TAF4: variants seen among roughly 807,000 people sequenced by gnomAD.
TAF4 encodes the protein transcription initiation factor TFIID subunit 4.
TAF4 carries 9 observed loss-of-function variants against 90.3 expected under a neutral mutation model. The observed-to-expected ratio is 0.10, with a 90% CI of 0.06 to 0.17. The LOEUF (loss-of-function observed/expected upper bound fraction) is 0.17. Ranked by LOEUF, TAF4 falls within the 10% of genes least tolerant of loss-of-function variation. The probability of loss-of-function intolerance (pLI) is 1.00; values close to 1 mark genes in which losing one functional copy is unlikely to be tolerated. For synonymous variants in TAF4, 818 were observed against 638.9 expected, an observed-to-expected ratio of 1.28 and a Z score of -4.23; for missense variants, 1,351 against 1,370.7, an observed-to-expected ratio of 0.99 and a Z score of 0.23.
chr20:62,023,747 C>CAAAAAAAAA (rs59813943), intron 1 of TAF4, among the ~76,000 whole-genome samples: 7 of 59,560 alleles, frequency 1.2e-4, no homozygotes, highest in African/African-American at 3.5e-4. Flanking sequence ...GACTCCATCT[C>CAAAAAAAAA]AAAAAAAAAA....
intron 1 of TAF4, among the ~76,000 whole-genome samples, chr20:62,051,869 G>A (rs1377166355): frequency 2.0e-5 from 3 of 152,128 alleles, no homozygotes; most frequent in Admixed American, 2.0e-4. Context: ...AGATCCACCC[G>A]TGAGGAACCT....
chr20:62,064,293 C>A, intron 1 of TAF4, 158 bp downstream of exon 1: 2 of 837,102 alleles, frequency 2.4e-6, no homozygotes, highest in Non-Finnish European at 3.2e-6. Flanking sequence ...GCCACCCGGG[C>A]TGGCCCCGCA....
chr20:61,992,988 C>A (rs1217332171), intron 14 of TAF4, among the ~76,000 whole-genome samples: 1 of 152,176 alleles, frequency 6.6e-6, no homozygotes, highest in East Asian at 1.9e-4. Context: ...CTACTGGTCA[C>A]CCTCTGAGGG....
Position 61,986,001 on chromosome 20 carries a change from A to G in TAF4, c.3091-9666T>C, listed in dbSNP as rs113938994. Among the ~76,000 whole-genome samples the G allele has an allele frequency of 5.3e-4, 63 of 119,470 alleles. 1 individual carries two copies. Among genetic ancestry groups the G allele is most frequent in the East Asian group, 1.9e-3 (8 of 4,178 alleles). 78.4% of individuals were successfully genotyped at this position (119,470 alleles called of 152,430 possible). A position where few individuals can be genotyped will look rare whatever the true frequency, so the allele number is the denominator to read the frequency against. ...CCCAATCAAAGGAAATACCATCCCC[A>G]ACCAAAGGAAACACCATCCCCCATC... On this transcript the variant is annotated intron_variant, in intron 14 of 14. Coordinates refer to ENST00000252996, the MANE Select transcript of TAF4 (RefSeq NM_003185.4).
At chr20:62,018,550 T>G (rs2055825451) in intron 1 of TAF4, among the ~76,000 whole-genome samples, 1 of 152,180 alleles carries the variant, frequency 6.6e-6, no homozygotes, top group Non-Finnish European at 1.5e-5. Context: ...AGGGTACACG[T>G]GGCAGGTGTG....
rs562619289 is a variant in TAF4, at chr20:61,974,949, T to C, written c.*1219A>G. On this transcript the variant is annotated 3_prime_UTR_variant, in exon 15 of 15. Transcript: ENST00000252996. The surrounding 1 kb of genome is among the most constrained non-coding windows in gnomAD (Gnocchi z 4.1). ...ACATGAAAAAATGGAAAGACAGGGA[T>C]TTCCTAAAAGACAAAATAAAAGGTG... The C allele has an allele frequency of 1.3e-5, 2 of 152,462 alleles. No homozygotes were observed. Among genetic ancestry groups the C allele is most frequent in the East Asian group, 1.9e-4 (1 of 5,184 alleles). 9.4% of individuals were successfully genotyped at this position (152,462 alleles called of 1,614,324 possible).
chr20:62,021,813 A>AC (rs2055845167), intron 1 of TAF4, among the ~76,000 whole-genome samples: 2 of 152,024 alleles, frequency 1.3e-5, no homozygotes, highest in African/African-American at 4.8e-5. Context: ...ACAGAGTCTC[A>AC]CTTAAAGTTT....
At chr20:62,016,205 G>A (rs2062266025) in intron 1 of TAF4, among the ~76,000 whole-genome samples, 1 of 152,216 alleles carries the variant, frequency 6.6e-6, no homozygotes, top group Admixed American at 6.5e-5. Context: ...CTCGGCGCCT[G>A]GGGACCCCAA....
At chr20:62,000,302 TTC>T (rs1481605620) in intron 10 of TAF4, 48 bp from the exon 11 acceptor site, 2 of 1,596,186 alleles carry the variant, frequency 1.3e-6, no homozygotes, top group South Asian at 2.3e-5. Context: ...TTAAGCACAG[TTC>T]TTTCTTTACG....
At chr20:62,047,827 G>A (rs539600566) in intron 1 of TAF4, among the ~76,000 whole-genome samples, 1 of 152,334 alleles carries the variant, frequency 6.6e-6, no homozygotes, top group South Asian at 2.1e-4. Context: ...GCTATCCAAT[G>A]TCAATCATAC....
At chr20:62,055,895 T>C (rs745648273) in intron 1 of TAF4, among the ~76,000 whole-genome samples, 4 of 152,200 alleles carry the variant, frequency 2.6e-5, no homozygotes, top group African/African-American at 4.8e-5. Context: ...AGCTGAACCC[T>C]GGTACCCTCA....
At chr20:61,998,235 A>G (rs754704508) in intron 12 of TAF4, 43 bp from the exon 13 acceptor site, 5 of 1,582,106 alleles carry the variant, frequency 3.2e-6, no homozygotes, top group East Asian at 4.5e-5. Flanking sequence ...GTTATGAACT[A>G]AATGTTTATC....
At chr20:62,029,126 G>A (rs146052999) in intron 1 of TAF4, among the ~76,000 whole-genome samples, 15,523 of 151,510 alleles carry the variant, frequency 0.1, 1,104 homozygotes, top group Non-Finnish European at 0.15. Flanking sequence ...AACCCAGGAG[G>A]CAGAGGTTGC....
chr20:62,012,726 A>G (rs1470374829), intron 3 of TAF4, 89 bp downstream of exon 3: 4 of 1,355,218 alleles, frequency 3.0e-6, no homozygotes, highest in Non-Finnish European at 3.8e-6. Flanking sequence ...TAAAAAAAAA[A>G]AAAAACTCCT....
intron 1 of TAF4, among the ~76,000 whole-genome samples, chr20:62,047,159 T>A (rs1206786810): frequency 6.6e-6 from 1 of 152,204 alleles, no homozygotes; most frequent in African/African-American, 2.4e-5. Flanking sequence ...CACTGTATTT[T>A]ACTCATCTAT....
intron 1 of TAF4, among the ~76,000 whole-genome samples, chr20:62,027,440 C>A (rs1026704878): frequency 6.6e-6 from 1 of 152,164 alleles, no homozygotes; most frequent in Non-Finnish European, 1.5e-5. Flanking sequence ...TCTGTCTCCC[C>A]CCTCAACGCA....
intron 1 of TAF4, among the ~76,000 whole-genome samples, chr20:62,054,732 T>C (rs1469716951): frequency 6.6e-6 from 1 of 152,082 alleles, no homozygotes; most frequent in Non-Finnish European, 1.5e-5. Context: ...GGCCCAGCCT[T>C]GGAGGTGCCG....
At position 62,019,943 on chromosome 20, in the gene TAF4, G is replaced by A. The variant is rs141359616; in HGVS notation, c.1361-5236C>T. Among the ~76,000 whole-genome samples the A allele has an allele frequency of 1.6e-3, 248 of 152,322 alleles. 8 individuals are homozygous for A. In the East Asian group the frequency reaches 0.036, roughly 22 times the overall value. Reference sequence around the variant, plus strand: ...TGCCGCAGGCCGCCCCGCACTCTCAGCACAAACCCCGGCCCTGGGCCTGGG... The same window carrying A: ...TGCCGCAGGCCGCCCCGCACTCTCAACACAAACCCCGGCCCTGGGCCTGGG... On this transcript the variant is annotated intron_variant, in intron 1 of 14. Transcript: ENST00000252996.
intron 2 of TAF4, 139 bp downstream of exon 2, chr20:62,014,408 G>T: frequency 8.6e-7 from 1 of 1,160,814 alleles, no homozygotes; most frequent in Non-Finnish European, 1.2e-6. Context: ...AGATGGGACG[G>T]ATGGGACTGG....
Sources: allele counts gnomAD v4.1 joint callset (sites outside exome capture counted in the v4.1 genomes callset), GRCh38; gene constraint gnomAD v4.1.1; non-coding constraint Gnocchi (gnomAD v3.1); transcripts MANE v1.5; gene names NCBI Gene and HGNC (gene_info 2026-07-23, HGNC 2026-07-21).